The following ENTPD1 variants were observed in gnomAD, a reference collection of about 807,000 sequenced individuals.
The protein encoded by ENTPD1 is ATP diphosphohydrolase.
ENTPD1 carries 33 observed loss-of-function variants against 57.0 expected under a neutral mutation model. That is an observed-to-expected ratio of 0.58 (90% CI 0.44 to 0.77). The LOEUF is 0.77. ENTPD1 is among the 30% of genes least tolerant of loss of function. The pLI is 0.00. For synonymous variants in ENTPD1, 202 were observed against 218.8 expected, an observed-to-expected ratio of 0.92 and a Z score of 0.68; for missense variants, 501 against 603.4, an observed-to-expected ratio of 0.83 and a Z score of 1.78.
chr10:95,777,575 T>C (rs562413269), intron 1 of ENTPD1, among the ~76,000 whole-genome samples: 68 of 152,336 alleles, frequency 4.5e-4, no homozygotes, highest in African/African-American at 1.5e-3. Context: ...TGGCCCCTAC[T>C]GGGAGGTGTC....
intron 8 of ENTPD1, among the ~76,000 whole-genome samples, chr10:95,863,450 G>A (rs1341009751): frequency 6.6e-6 from 1 of 152,224 alleles, no homozygotes; most frequent in African/African-American, 2.4e-5. Context: ...GTAGGAACCT[G>A]GACAGGCAAT....
intron 1 of ENTPD1, among the ~76,000 whole-genome samples, chr10:95,723,296 C>G (rs1457523504): frequency 6.6e-6 from 1 of 152,104 alleles, no homozygotes; most frequent in African/African-American, 2.4e-5. Context: ...CCCTCTTTGT[C>G]TCTCTTTCTT....
At chr10:95,864,972 T>C in intron 9 of ENTPD1, 111 bp downstream of exon 9, 1 of 1,270,492 alleles carries the variant, frequency 7.9e-7, no homozygotes, top group South Asian at 1.4e-5. Context: ...TTTGGCTTGA[T>C]GTCCTGTTCT....
At chr10:95,740,590 A>G (rs1303771827) in intron 1 of ENTPD1, among the ~76,000 whole-genome samples, 1 of 152,154 alleles carries the variant, frequency 6.6e-6, no homozygotes, top group African/African-American at 2.4e-5. Flanking sequence ...GAAAAACTCT[A>G]CTGGCCCCCA....
intron 7 of ENTPD1, among the ~76,000 whole-genome samples, chr10:95,858,645 A>G (rs2098459904): frequency 6.6e-6 from 1 of 152,116 alleles, no homozygotes; most frequent in Non-Finnish European, 1.5e-5. Flanking sequence ...CCTGGGATAC[A>G]ATGATAATGG....
intron 5 of ENTPD1, among the ~76,000 whole-genome samples, chr10:95,845,025 C>T (rs1000518911): frequency 1.3e-5 from 2 of 152,114 alleles, no homozygotes; most frequent in African/African-American, 4.8e-5. Context: ...ATTTTAGAGC[C>T]CCATATCGAT....
chr10:95,774,070 TTC>T (rs1278719278), intron 1 of ENTPD1, among the ~76,000 whole-genome samples: 1 of 152,236 alleles, frequency 6.6e-6, no homozygotes, highest in Non-Finnish European at 1.5e-5. Flanking sequence ...TGATTTGCAT[TTC>T]TCTGATGACC....
Position 95,867,358 on chromosome 10 carries a change from G to C in ENTPD1, c.*975G>C, listed in dbSNP as rs1282821601. ...ATTTGCATCATCAATACATTGTCTA[G>C]AGACAAGACTATCCTGGGTAGGCAG... On this transcript the variant is annotated 3_prime_UTR_variant, in exon 10 of 10. Coordinates refer to ENST00000371205, the MANE Select transcript of ENTPD1 (RefSeq NM_001776.6). 2 of 985,284 alleles carry C rather than the reference G, an allele frequency of 2.0e-6. No individual in the cohort carries two copies. Among genetic ancestry groups the C allele is most frequent in the Non-Finnish European group, 2.4e-6 (2 of 829,938 alleles). The allele number at this position is 985,284 out of a possible 1,614,324, so 61.0% of individuals were successfully genotyped here. A position where few individuals can be genotyped will look rare whatever the true frequency, so the allele number is the denominator to read the frequency against.
Position 95,866,330 on chromosome 10 carries a change from A to T in ENTPD1, c.1480A>T (p.Ile494Leu). ...FSLVLFTVAI[I>L]GLLIFHKPSY... ...CCTGGTCCTTTTCACAGTGGCCATC[A>T]TAGGCTTGCTTATCTTTCACAAGCC... is the stretch of plus-strand genomic sequence containing the variant. The change falls in exon 10 of 10, where the codon ATA becomes TTA. Residue 494 changes from isoleucine to leucine, a missense_variant. Coordinates refer to ENST00000371205, the MANE Select transcript of ENTPD1 (RefSeq NM_001776.6). 4 of 1,614,192 alleles carry T rather than the reference A, an allele frequency of 2.5e-6. No individual in the cohort carries two copies.
At position 95,876,285 on chromosome 10, in the gene ENTPD1, T is replaced by C. The variant is rs2098485690; in HGVS notation, c.*9902T>C. 1.8e-5 allele frequency: 18 copies of C among 981,180 alleles called. No individual in the cohort carries two copies. The highest frequency in any genetic ancestry group is 2.2e-5 in the Non-Finnish European group (18 of 826,064). 60.8% of individuals were successfully genotyped at this position (981,180 alleles called of 1,614,324 possible). ...CAAGTTGATTTTGACATCCAACTTA[T>C]TAATTATGAAATGACTTTTGGCCTA... On this transcript the variant is annotated 3_prime_UTR_variant, in exon 10 of 10. Coordinates refer to ENST00000371205, the MANE Select transcript of ENTPD1 (RefSeq NM_001776.6).
intron 1 of ENTPD1, among the ~76,000 whole-genome samples, chr10:95,731,781 C>CTTTTTTTTTTTTTTTTTT (rs34841311): frequency 0.017 from 1,331 of 79,130 alleles, 209 homozygotes; most frequent in African/African-American, 0.029. Flanking sequence ...AGTGGACATC[C>CTTTTTTTTTTTTTTTTTT]TTTTTTTTTT....
At chr10:95,845,312 G>C in intron 5 of ENTPD1, 45 bp from the exon 6 acceptor site, 1 of 1,613,570 alleles carries the variant, frequency 6.2e-7, no homozygotes, top group Non-Finnish European at 8.5e-7. Context: ...ATGAAAAGCA[G>C]GGTGTCCAGA....
At chr10:95,746,359 A>C (rs1278793297) in intron 1 of ENTPD1, among the ~76,000 whole-genome samples, 1 of 152,108 alleles carries the variant, frequency 6.6e-6, no homozygotes, top group East Asian at 1.9e-4. Context: ...TTATGGATAC[A>C]TTGGGGTTCA....
chr10:95,865,865 T>A (rs997035702), intron 9 of ENTPD1, among the ~76,000 whole-genome samples: 1 of 152,090 alleles, frequency 6.6e-6, no homozygotes, highest in Non-Finnish European at 1.5e-5. Context: ...ACTCCTGGGA[T>A]TAAATGATCC....
intron 1 of ENTPD1, among the ~76,000 whole-genome samples, chr10:95,758,057 G>A (rs1489955115): frequency 3.4e-5 from 5 of 145,130 alleles, no homozygotes; most frequent in African/African-American, 1.3e-4. Context: ...GAAACCCTCT[G>A]CTTCTGGTTT....
At chr10:95,760,194 AC>A (rs1009619188) in intron 1 of ENTPD1, among the ~76,000 whole-genome samples, 4 of 152,202 alleles carry the variant, frequency 2.6e-5, no homozygotes, top group Non-Finnish European at 4.4e-5. Context: ...AAATAATAAT[AC>A]AAGAGAAAGT....
At chr10:95,858,497 T>C (rs1186505788) in intron 7 of ENTPD1, among the ~76,000 whole-genome samples, 1 of 152,162 alleles carries the variant, frequency 6.6e-6, no homozygotes, top group Non-Finnish European at 1.5e-5. Context: ...CTGTGACTGC[T>C]GTTTGTAGGA....
chr10:95,758,107 G>A (rs374992086), intron 1 of ENTPD1, among the ~76,000 whole-genome samples: 21 of 150,224 alleles, frequency 1.4e-4, no homozygotes, highest in East Asian at 9.8e-4. Context: ...ATCTCTGAAC[G>A]TCTGTCCCCA....
rs2141025000 is a variant in ENTPD1, at chr10:95,870,688, C to T, written c.*4305C>T. 6 of 985,372 alleles carry T rather than the reference C, an allele frequency of 6.1e-6. No individual in the cohort carries two copies. Among genetic ancestry groups the T allele is most frequent in the Middle Eastern group, 5.2e-4 (1 of 1,914 alleles). 61.0% of individuals were successfully genotyped at this position (985,372 alleles called of 1,614,324 possible). ...GTTTAAAAGATGAACTGAGTTTCAC[C>T]CAAACTGGTCTGGCCCCTCTCTGAT... On this transcript the variant is annotated 3_prime_UTR_variant, in exon 10 of 10. Transcript: ENST00000371205.
Sources: gnomAD v4.1 joint callset for allele counts (sites outside exome capture counted in the v4.1 genomes callset) on GRCh38, gnomAD v4.1.1 for gene constraint, MANE v1.5 for transcripts, NCBI Gene and HGNC (gene_info 2026-07-23, HGNC 2026-07-21) for gene names.